ABLIM1: variants seen among roughly 807,000 people sequenced by gnomAD.
The protein encoded by ABLIM1 is actin binding LIM protein 1, also known as actin-binding LIM protein 1.
Under a neutral mutation model 107.0 loss-of-function variants are expected in ABLIM1, and 40 were observed. That is an observed-to-expected ratio of 0.37 (90% CI 0.29 to 0.49). The LOEUF (loss-of-function observed/expected upper bound fraction) is 0.49. Among genes scored for constraint, ABLIM1 ranks in the 20% least tolerant of loss-of-function variants. The pLI is 0.97. For synonymous variants in ABLIM1, 357 were observed against 357.3 expected (o/e 1.00, Z 0.01); for missense variants, 857 against 1,008.5 (o/e 0.85, Z 2.04).
intron 2 of ABLIM1, among the ~76,000 whole-genome samples, chr10:114,596,234 C>G (rs2139775460): frequency 1.3e-5 from 2 of 152,344 alleles, no homozygotes; most frequent in Middle Eastern, 3.4e-3. Flanking sequence ...CTGTGGCCCT[C>G]CTGGCCTGCA....
At chr10:114,670,152 G>A (rs527256486) in intron 1 of ABLIM1, among the ~76,000 whole-genome samples, 1 of 152,228 alleles carries the variant, frequency 6.6e-6, no homozygotes, top group South Asian at 2.1e-4. Flanking sequence ...CGGGCCAAAG[G>A]AAACATCACA....
At chr10:114,719,206 G>A (rs1381504725) in intron 1 of ABLIM1, among the ~76,000 whole-genome samples, 1 of 152,184 alleles carries the variant, frequency 6.6e-6, no homozygotes, top group Non-Finnish European at 1.5e-5. Flanking sequence ...AGTTTCATAA[G>A]AGTCTGAAAA....
At chr10:114,646,632 G>A (rs938006819) in intron 1 of ABLIM1, among the ~76,000 whole-genome samples, 2 of 152,192 alleles carry the variant, frequency 1.3e-5, no homozygotes, top group African/African-American at 4.8e-5. Context: ...AATGCTTGCC[G>A]CTCAGCAAGA....
At chr10:114,739,519 A>C (rs2142263835) in intron 1 of ABLIM1, among the ~76,000 whole-genome samples, 1 of 152,328 alleles carries the variant, frequency 6.6e-6, no homozygotes, top group South Asian at 2.1e-4. Flanking sequence ...TTAGAACAAA[A>C]GCATTGTTTG....
intron 6 of ABLIM1, among the ~76,000 whole-genome samples, chr10:114,518,164 T>C (rs991828304): frequency 3.3e-5 from 5 of 152,160 alleles, no homozygotes; most frequent in South Asian, 2.1e-4. Context: ...CAGGTATCTA[T>C]GTGCAAGAAA....
At chr10:114,719,307 T>G (rs1181101371) in intron 1 of ABLIM1, among the ~76,000 whole-genome samples, 1 of 152,228 alleles carries the variant, frequency 6.6e-6, no homozygotes, top group Non-Finnish European at 1.5e-5. Context: ...CTAGGCAGTT[T>G]ACACAGATGA....
At chr10:114,779,557 A>G in the ABLIM1 span, 4 of 152,216 alleles carry the variant, frequency 2.6e-5, no homozygotes, top group Admixed American at 6.5e-5. Context: ...ACATATATAC[A>G]TTATGTGTGT....
chr10:114,620,435 A>C (rs2077394873), intron 1 of ABLIM1, among the ~76,000 whole-genome samples: 1 of 152,126 alleles, frequency 6.6e-6, no homozygotes, highest in South Asian at 2.1e-4. Context: ...CTTCAGAAGA[A>C]GTCTCACTCT....
Position 114,589,147 on chromosome 10 carries a change from AG to A in ABLIM1, c.379+12679del, listed in dbSNP as rs142488383. On this transcript the variant is annotated intron_variant, in intron 2 of 22. Coordinates refer to ENST00000533213, the MANE Select transcript of ABLIM1 (RefSeq NM_002313.7). Reference sequence around the variant, plus strand: ...AAGATAGAGAAAAGCTTATAGAACAAGGATATTAAAAAAGAAAATTTTTTGT... The same window carrying A: ...AAGATAGAGAAAAGCTTATAGAACAAGATATTAAAAAAGAAAATTTTTTGT... Among the ~76,000 whole-genome samples the A allele has an allele frequency of 2.0e-3, 303 of 151,898 alleles. 2 individuals are homozygous for A. Among genetic ancestry groups the A allele is most frequent in the African/African-American group, 7.1e-3 (293 of 41,266 alleles).
At chr10:114,697,948 G>A (rs183157626) in intron 1 of ABLIM1, among the ~76,000 whole-genome samples, 7 of 152,000 alleles carry the variant, frequency 4.6e-5, no homozygotes, top group African/African-American at 1.4e-4. Context: ...ATCTCTTGTG[G>A]TTGCAAACTA....
intron 12 of ABLIM1, among the ~76,000 whole-genome samples, chr10:114,458,212 T>G (rs2063197668): frequency 6.6e-6 from 1 of 152,134 alleles, no homozygotes; most frequent in Non-Finnish European, 1.5e-5. Context: ...AAGTTGTTAG[T>G]GTTCTCATCT....
At chr10:114,674,568 A>C (rs2080398357) in intron 1 of ABLIM1, among the ~76,000 whole-genome samples, 2 of 152,324 alleles carry the variant, frequency 1.3e-5, no homozygotes, top group South Asian at 4.1e-4. Flanking sequence ...TGTAAGTAAC[A>C]GTTTCCTCAC....
chr10:114,627,556 A>G (rs1034005812), intron 1 of ABLIM1, among the ~76,000 whole-genome samples: 3 of 152,148 alleles, frequency 2.0e-5, no homozygotes, highest in African/African-American at 7.2e-5. Context: ...TGATAACGGA[A>G]TAGGGAAGTT....
intron 6 of ABLIM1, among the ~76,000 whole-genome samples, chr10:114,497,619 T>G (rs929351337): frequency 1.4e-5 from 2 of 140,942 alleles, no homozygotes; most frequent in African/African-American, 2.7e-5. Flanking sequence ...GAGGCGGAGC[T>G]TGCAGTAAGC....
In ABLIM1 at chr10:114,752,888, C is replaced by T. The variant is rs571279315; in HGVS notation, c.-213+15173G>A. ...CATGTCTTTGCTATTGTGAATAGTG[C>T]TGCAATGAATATATGCGTGCAACAG... is the stretch of plus-strand genomic sequence containing the variant. On this transcript the variant is annotated intron_variant, in intron 1 of 15. Coordinates refer to the ABLIM1 transcript ENST00000651092. Among the ~76,000 whole-genome samples the T allele has an allele frequency of 4.0e-4, 61 of 152,254 alleles. No individual in the cohort carries two copies. In the South Asian group the frequency reaches 6.2e-3, roughly 16 times the overall value.
At chr10:114,641,597 G>A (rs1439280381) in intron 1 of ABLIM1, among the ~76,000 whole-genome samples, 1 of 152,214 alleles carries the variant, frequency 6.6e-6, no homozygotes, top group African/African-American at 2.4e-5. Context: ...AGAAGCTGTG[G>A]TTTTAAGTAG....
At chr10:114,672,421 G>T (rs1018052639) in intron 1 of ABLIM1, among the ~76,000 whole-genome samples, 1 of 152,000 alleles carries the variant, frequency 6.6e-6, no homozygotes, top group Non-Finnish European at 1.5e-5. Flanking sequence ...GAGTGGTCTC[G>T]AGCTCCTGAC....
chr10:114,440,213 G>T, intron 19 of ABLIM1, 124 bp from the exon 20 acceptor site: 2 of 987,758 alleles, frequency 2.0e-6, no homozygotes, highest in Admixed American at 1.9e-5. Context: ...TTCTTTTTCT[G>T]CTCCCAGACT....
Position 114,668,328 on chromosome 10 carries a change from T to C in ABLIM1, c.64+15962A>G, listed in dbSNP as rs564799872. 7.2e-5 allele frequency among the ~76,000 whole-genome samples: 11 copies of C among 152,216 alleles called. No homozygotes were observed. In the East Asian group the frequency reaches 1.5e-3, roughly 21 times the overall value. ...ATTAGTAGATAAGGAAAACAAGATC[T>C]AAGATTGTCTCACAAATAGTACCCA... On this transcript the variant is annotated intron_variant, in intron 1 of 23. Coordinates refer to the ABLIM1 transcript ENST00000369256.
Sources: gnomAD v4.1 joint callset for allele counts (sites outside exome capture counted in the v4.1 genomes callset) on GRCh38, gnomAD v4.1.1 for gene constraint, MANE v1.5 for transcripts, NCBI Gene and HGNC (gene_info 2026-07-23, HGNC 2026-07-21) for gene names.